AHNAK: variants seen among roughly 807,000 people sequenced by gnomAD.
AHNAK encodes the protein AHNAK nucleoprotein.
AHNAK carries 23 observed loss-of-function variants against 37.8 expected under a neutral mutation model. That is an observed-to-expected ratio of 0.61 (90% confidence interval 0.44 to 0.86). The LOEUF (loss-of-function observed/expected upper bound fraction) is 0.86. Ranked by LOEUF, AHNAK falls within the 40% of genes least tolerant of loss-of-function variation. The pLI is 0.00. For missense variants in AHNAK, 7,411 were observed against 7,319.4 expected (o/e 1.01, Z -0.46); for synonymous variants, 2,481 against 2,636.3 (o/e 0.94, Z 1.80).
intron 5 of AHNAK, among the ~76,000 whole-genome samples, chr11:62,472,531 C>T (rs2134850933): frequency 6.6e-6 from 1 of 152,208 alleles, no homozygotes. Flanking sequence ...TCCCGCCTCT[C>T]AGCCCACACT....
downstream of AHNAK, among the ~76,000 whole-genome samples, chr11:62,512,075 G>A (rs1463545360): frequency 2.0e-5 from 3 of 152,162 alleles, no homozygotes; most frequent in South Asian, 2.1e-4. The surrounding 1 kb of genome is among the most constrained non-coding windows in gnomAD (Gnocchi z 4.0). Context: ...TCAAACTCCC[G>A]AGCCCAGGCA....
chr11:62,515,233 C>A (rs1042587220), downstream of AHNAK, among the ~76,000 whole-genome samples: 1 of 152,182 alleles, frequency 6.6e-6, no homozygotes, highest in Non-Finnish European at 1.5e-5. Flanking sequence ...AAGATCAGCA[C>A]CCTGGCCGGG....
intron 5 of AHNAK, among the ~76,000 whole-genome samples, chr11:62,466,269 G>A (rs1309384378): frequency 6.6e-6 from 1 of 151,884 alleles, no homozygotes; most frequent in Non-Finnish European, 1.5e-5. Flanking sequence ...GCAGTGAGCC[G>A]AGATCACGCC....
Position 62,517,838 on chromosome 11 carries a change from G to A in AHNAK, c.16579C>T (p.Leu5527=). Residue 5527 remains leucine, a synonymous_variant, in exon 5 of 5, where the codon CTG becomes TTG. Transcript: ENST00000378024. ...QISGPEIKGG[L]KGSEVGFHGA... is the part of the protein sequence containing the mutation. ...TGGAAACCTACTTCTGAACCTTTCAGACCACCTTTGATTTCAGGCCCAGAA... is the reference window on the plus strand; with the variant it reads ...TGGAAACCTACTTCTGAACCTTTCAAACCACCTTTGATTTCAGGCCCAGAA... The A allele has an allele frequency of 1.2e-6, 2 of 1,614,146 alleles. No homozygotes were observed. The highest frequency in any genetic ancestry group is 1.7e-6 in the Non-Finnish European group (2 of 1,180,018).
chr11:62,468,506 C>T (rs1283770261), intron 5 of AHNAK, among the ~76,000 whole-genome samples: 1 of 152,036 alleles, frequency 6.6e-6, no homozygotes, highest in East Asian at 1.9e-4. Flanking sequence ...GGACTGAGCT[C>T]CTGCCCTAGG....
chr11:62,457,071 C>T (rs1270076571), intron 5 of AHNAK, among the ~76,000 whole-genome samples: 7 of 152,210 alleles, frequency 4.6e-5, no homozygotes, highest in Admixed American at 3.3e-4. Flanking sequence ...GAGGCCGAGG[C>T]GGGAGGATCA....
At chr11:62,542,335 G>A (rs1941155784) in intron 1 of AHNAK, among the ~76,000 whole-genome samples, 2 of 152,040 alleles carry the variant, frequency 1.3e-5, no homozygotes, top group Admixed American at 1.3e-4. Context: ...GCACCTGCCT[G>A]GCCTCCTCCC....
intron 5 of AHNAK, among the ~76,000 whole-genome samples, chr11:62,482,542 C>G (rs1939296831): frequency 6.6e-6 from 1 of 152,216 alleles, no homozygotes; most frequent in Non-Finnish European, 1.5e-5. Flanking sequence ...CAGATTCCTC[C>G]ACTGCCAAAT....
rs1416077508 is a variant in AHNAK at position 62,519,411 on chromosome 11, C to G, written c.15006G>C (p.Glu5002Asp). ...KSPSLDVTVP[E>D]AELNLETPEI... ...CAGGAGTCTCAAGGTTCAGCTCTGC[C>G]TCAGGAACAGTGACATCCAGTGAAG... Residue 5002 changes from glutamate (E) to aspartate (D), a missense_variant, in exon 5 of 5, where the codon GAG becomes GAC. Transcript: ENST00000378024. 1 of 1,613,060 alleles carries G rather than the reference C, an allele frequency of 6.2e-7. No individual in the cohort carries two copies. Among genetic ancestry groups the G allele is most frequent in the Non-Finnish European group, 8.5e-7 (1 of 1,179,544 alleles).
rs575352320 is a variant in AHNAK at position 62,447,011 on chromosome 11, C to A, written c.443-13120G>T. Among the ~76,000 whole-genome samples the A allele has an allele frequency of 7.5e-4, 114 of 152,088 alleles. 2 individuals carry two copies. In the South Asian group the frequency reaches 0.022, roughly 29 times the overall value. ...AACTTCTCCCAGTAATTCCTAAGCA[C>A]CCCCTCCCCTGCCAAAATGTGCAAT... On this transcript the variant is annotated intron_variant, in intron 5 of 5. Transcript: ENST00000257247.
Position 62,527,600 on chromosome 11 carries a change from C to T in AHNAK, c.6817G>A (p.Asp2273Asn). The change falls in exon 5 of 5, where the codon GAT becomes AAT. Residue 2273 changes from aspartate (D) to asparagine (N), a missense_variant. Asp to Asn is a conservative substitution (Grantham distance 23, BLOSUM62 1). Transcript: ENST00000378024. The part of the protein sequence containing the change: ...VDVNLPKADV[D>N]VSGPKVDVEV... ...ACATCCACCTTGGGTCCTGAGACAT[C>T]AACGTCAGCCTTGGGCAAGTTCACA... 6.2e-7 allele frequency: 1 copy of T among 1,613,790 alleles called. No homozygotes were observed. The highest frequency in any genetic ancestry group is 8.5e-7 in the Non-Finnish European group (1 of 1,179,938).
In AHNAK at chr11:62,525,772, T is replaced by A; in HGVS notation, c.8645A>T (p.Asp2882Val). The change falls in exon 5 of 5, where the codon GAT becomes GTT. Residue 2882 changes from aspartate to valine, a missense_variant. By Grantham distance (152) the Asp-to-Val change is radical. Coordinates refer to ENST00000378024, the MANE Select transcript of AHNAK (RefSeq NM_001620.3). The part of the protein sequence containing the change: ...KGPKVDIDVP[D>V]VNVQGPDWHL... Reference sequence around the variant, plus strand: ...CCAGTCTGGACCCTGAACATTAACATCTGGGACATCAATGTCCACTTTGGG... The same window carrying A: ...CCAGTCTGGACCCTGAACATTAACAACTGGGACATCAATGTCCACTTTGGG... 1 of 1,613,454 alleles carries A rather than the reference T, an allele frequency of 6.2e-7. No homozygotes were observed. Among genetic ancestry groups the A allele is most frequent in the South Asian group, 1.1e-5 (1 of 91,038 alleles).
At chr11:62,451,225 C>T (rs1201826023) in intron 5 of AHNAK, among the ~76,000 whole-genome samples, 1 of 150,856 alleles carries the variant, frequency 6.6e-6, no homozygotes, top group Non-Finnish European at 1.5e-5. Context: ...AAACCAACAA[C>T]ATAATGTGTT....
rs763443295 is a variant in AHNAK, at chr11:62,530,341, A to T, written c.4076T>A (p.Ile1359Asn). Residue 1359 changes from isoleucine (I) to asparagine (N), a missense_variant, in exon 5 of 5, where the codon ATT (isoleucine) becomes AAT (asparagine). Transcript: ENST00000378024. ...ACTAATGTCAACTTTGGGCCCTTTA[A>T]TGTCAACATCTGGCACTTTCATTTC... Reference protein sequence around the residue: ...EGEMKVPDVDIKGPKVDISAP... With the variant: ...EGEMKVPDVDNKGPKVDISAP... 79 of 1,613,550 alleles carry T rather than the reference A, an allele frequency of 4.9e-5. No homozygotes were observed. The highest frequency in any genetic ancestry group is 6.5e-5 in the Non-Finnish European group (77 of 1,179,948).
rs776152088 is a variant in AHNAK, at chr11:62,516,950, C to T, written c.17467G>A (p.Gly5823Ser). ...TTTGACCCCAATCCACCAAAGGTAC[C>T]GAATTTCAGCTTCCCGTGTTTCCCT... ...VKGKHGKLKFGTFGGLGSKSK... is the reference protein window; with the variant it reads ...VKGKHGKLKFSTFGGLGSKSK... The change falls in exon 5 of 5, where the codon GGT becomes AGT. Residue 5823 changes from glycine to serine, a missense_variant. Gly to Ser is a moderately conservative substitution (Grantham distance 56, BLOSUM62 0). Coordinates refer to ENST00000378024, the MANE Select transcript of AHNAK (RefSeq NM_001620.3). The T allele has an allele frequency of 1.5e-5, 24 of 1,614,120 alleles. No homozygotes were observed. In the South Asian group the frequency reaches 2.6e-4, roughly 18 times the overall value.
intron 5 of AHNAK, among the ~76,000 whole-genome samples, chr11:62,440,992 C>A (rs1181644995): frequency 1.3e-5 from 2 of 151,706 alleles, no homozygotes; most frequent in Non-Finnish European, 2.9e-5. Flanking sequence ...ATAGAGATAC[C>A]CGTCTGTATA....
At chr11:62,505,771 C>T (rs1939799653) in intron 4 of AHNAK, among the ~76,000 whole-genome samples, 1 of 151,586 alleles carries the variant, frequency 6.6e-6, no homozygotes, top group African/African-American at 2.4e-5. Flanking sequence ...TCCACCCGCC[C>T]CCAGCAGGAC....
rs567077279 is a variant in AHNAK at position 62,449,664 on chromosome 11, T to C, written c.443-15773A>G. Reference sequence around the variant, plus strand: ...AAAGCTAAAGCTACCACCCAACACCTGGCATGCCAGGGGACGCTCGTGAAA... The same window carrying C: ...AAAGCTAAAGCTACCACCCAACACCCGGCATGCCAGGGGACGCTCGTGAAA... On this transcript the variant is annotated intron_variant, in intron 5 of 5. Transcript: ENST00000257247. Among the ~76,000 whole-genome samples the C allele has an allele frequency of 8.4e-4, 128 of 152,278 alleles. 2 individuals are homozygous for C. The highest frequency in any genetic ancestry group is 2.9e-3 in the African/African-American group (120 of 41,556).
chr11:62,525,419 T>G lies in AHNAK; in HGVS notation c.8998A>C (p.Arg3000=). ...GDLKGPEVDI[R]GPQVDIDVPD... ...ACATCAATGTCCACTTGGGGACCCC[T>G]GATGTCAACTTCAGGGCCCTTGAGG... Residue 3000 remains arginine, a synonymous_variant, in exon 5 of 5, where the codon AGG becomes CGG. Coordinates refer to ENST00000378024, the MANE Select transcript of AHNAK (RefSeq NM_001620.3). The G allele has an allele frequency of 6.2e-7, 1 of 1,613,672 alleles. No individual in the cohort carries two copies. The highest frequency in any genetic ancestry group is 1.1e-5 in the South Asian group (1 of 91,080).
Sources: allele counts gnomAD v4.1 joint callset (sites outside exome capture counted in the v4.1 genomes callset), GRCh38; gene constraint gnomAD v4.1.1; non-coding constraint Gnocchi (gnomAD v3.1); transcripts MANE v1.5; gene names NCBI Gene and HGNC (gene_info 2026-07-23, HGNC 2026-07-21).